PCDHGA6: variants seen among roughly 807,000 people sequenced by gnomAD.
PCDHGA6 encodes protocadherin gamma-A6.
A neutral mutation model predicts 60.6 loss-of-function variants in PCDHGA6; 41 were observed. The observed-to-expected ratio is 0.68, with a 90% CI of 0.53 to 0.88. PCDHGA6 has a LOEUF of 0.88. Ranked by LOEUF, PCDHGA6 falls within the 40% of genes least tolerant of loss-of-function variation. The pLI, the probability that PCDHGA6 is intolerant of heterozygous loss-of-function variation, is 0.00. For missense variants in PCDHGA6, 1,312 were observed against 1,203.0 expected (o/e 1.09, Z -1.34); for synonymous variants, 594 against 524.4 (o/e 1.13, Z -1.81).
At chr5:141,464,408 T>C (rs2154568477) in intron 1 of PCDHGA6, among the ~76,000 whole-genome samples, 1 of 151,718 alleles carries the variant, frequency 6.6e-6, no homozygotes, top group African/African-American at 2.4e-5. Flanking sequence ...CTGAGATATA[T>C]ATATATCTAT....
intron 1 of PCDHGA6, chr5:141,418,464 G>A: frequency 3.7e-6 from 6 of 1,614,010 alleles, no homozygotes; most frequent in Non-Finnish European, 5.1e-6. Flanking sequence ...ACTCTGGACC[G>A]AGAAACGCAG....
intron 1 of PCDHGA6, chr5:141,427,734 C>A (rs2097062807): frequency 1.7e-6 from 2 of 1,207,418 alleles, no homozygotes; most frequent in Non-Finnish European, 2.4e-6. Flanking sequence ...GCTGAATGGC[C>A]AAGTCTCCTA....
chr5:141,422,685 C>G lies in PCDHGA6; in HGVS notation c.2424+46178C>G, dbSNP rs754112462. The G allele has an allele frequency of 2.5e-6, 4 of 1,605,144 alleles. No individual in the cohort carries two copies. The South Asian group carries it at 4.5e-5, about 18-fold the overall frequency. On this transcript the variant is annotated intron_variant, in intron 1 of 3. Coordinates refer to ENST00000517434, the MANE Select transcript of PCDHGA6 (RefSeq NM_018919.3). ...TCGACCCGGACAGCAAACAGAATGCCCTGGTCACTTACTCTCTGACGGATG... is the reference window on the plus strand; with the variant it reads ...TCGACCCGGACAGCAAACAGAATGCGCTGGTCACTTACTCTCTGACGGATG...
In PCDHGA6 at chr5:141,399,312, A is replaced by C. The variant is rs142753281; in HGVS notation, c.2424+22805A>C. 774 of 1,613,972 alleles carry C rather than the reference A, an allele frequency of 4.8e-4. 4 individuals carry two copies. The African/African-American group carries it at 8.9e-3, about 19-fold the overall frequency. ...CTTTTAAGATTATCTCTTCATCCAAAAATTCGTATAAGTTGGTAACAGATG... is the reference window on the plus strand; with the variant it reads ...CTTTTAAGATTATCTCTTCATCCAACAATTCGTATAAGTTGGTAACAGATG... On this transcript the variant is annotated intron_variant, in intron 1 of 3. Transcript: ENST00000517434.
intron 1 of PCDHGA6, chr5:141,389,928 C>A: frequency 6.2e-7 from 1 of 1,614,068 alleles, no homozygotes. Flanking sequence ...CCCCTCTGAC[C>A]TCCAGGCTGA....
In PCDHGA6 at chr5:141,375,571, C is replaced by A. The variant is rs760580799; in HGVS notation, c.1488C>A (p.Leu496=). The A allele has an allele frequency of 2.5e-6, 4 of 1,613,962 alleles. No homozygotes were observed. The highest frequency in any genetic ancestry group is 3.4e-6 in the Non-Finnish European group (4 of 1,179,984). The part of the protein sequence containing the change: ...QVSYSLAEDT[L]QGAPLSSYVS... ...CCTACTCACTGGCAGAAGACACCCTCCAGGGGGCGCCCCTGTCCTCCTACG... is the reference window on the plus strand; with the variant it reads ...CCTACTCACTGGCAGAAGACACCCTACAGGGGGCGCCCCTGTCCTCCTACG... Residue 496 remains leucine (L), a synonymous_variant, in exon 1 of 4, where the codon CTC becomes CTA. Transcript: ENST00000517434.
chr5:141,455,860 ATTAT>A (rs145569377), intron 1 of PCDHGA6, among the ~76,000 whole-genome samples: 54,169 of 139,612 alleles, frequency 0.39, 10,686 homozygotes, highest in Admixed American at 0.44. Context: ...AATTTCTTTT[ATTAT>A]TTATTTATTT....
chr5:141,393,473 G>A (rs1190605709), intron 1 of PCDHGA6: 1 of 1,614,044 alleles, frequency 6.2e-7, no homozygotes, highest in East Asian at 2.2e-5. Flanking sequence ...GCGGCAAGCC[G>A]CCTCGCTCTA....
chr5:141,475,984 G>A, intron 1 of PCDHGA6: 2 of 1,069,308 alleles, frequency 1.9e-6, no homozygotes, highest in Non-Finnish European at 2.7e-6. Flanking sequence ...AACAGCCGGC[G>A]AGCAAATCAA....
At chr5:141,393,307 A>C (rs1394490963) in intron 1 of PCDHGA6, 3 of 1,613,594 alleles carry the variant, frequency 1.9e-6, no homozygotes, top group South Asian at 2.2e-5. Context: ...GTGGGCGTGA[A>C]CTCCCTCCAG....
At position 141,512,133 on chromosome 5, in the gene PCDHGA6, G is replaced by C. The variant is rs1394116556; in HGVS notation, c.*960G>C. 1 of 152,708 alleles carries C rather than the reference G, an allele frequency of 6.5e-6. No homozygotes were observed. Among genetic ancestry groups the C allele is most frequent in the Non-Finnish European group, 1.5e-5 (1 of 68,102 alleles). The allele number at this position is 152,708 out of a possible 1,614,324, so 9.5% of individuals were successfully genotyped here. On this transcript the variant is annotated 3_prime_UTR_variant, in exon 4 of 4. Transcript: ENST00000517434. ...CCACTACATAATAGGGCTCAGCCCA[G>C]GCAGCCAGCTTTGGGCTGAGCTAAC...
chr5:141,389,657 G>A lies in PCDHGA6; in HGVS notation c.2424+13150G>A, dbSNP rs372714152. The stretch of plus-strand genomic sequence containing the variant: ...GCTACTTGGTGACCAAGGTAGTGGC[G>A]GTGGACGCAGACTCAGGACACAACG... On this transcript the variant is annotated intron_variant, in intron 1 of 3. Transcript: ENST00000517434. The A allele has an allele frequency of 6.2e-5, 100 of 1,612,554 alleles. 2 individuals are homozygous for A. In the African/African-American group the frequency reaches 1.0e-3, roughly 17 times the overall value.
chr5:141,415,514 C>G, intron 1 of PCDHGA6: 2 of 1,614,178 alleles, frequency 1.2e-6, no homozygotes, highest in Non-Finnish European at 8.5e-7. Flanking sequence ...CCCAATTATG[C>G]GGACACGCTC....
intron 1 of PCDHGA6, among the ~76,000 whole-genome samples, chr5:141,464,022 TG>T (rs948245337): frequency 1.3e-5 from 2 of 151,716 alleles, no homozygotes; most frequent in African/African-American, 4.8e-5. Context: ...TCCCACACTT[TG>T]GGAGGCCAAG....
chr5:141,507,113 C>G (rs1401559943), intron 3 of PCDHGA6: 1 of 152,220 alleles, frequency 6.6e-6, no homozygotes, highest in Non-Finnish European at 1.5e-5. Context: ...GGGACCATGG[C>G]TGCCTTTGGA....
At chr5:141,424,357 G>A (rs1171882619) in intron 1 of PCDHGA6, 1 of 152,122 alleles carries the variant, frequency 6.6e-6, no homozygotes, top group Non-Finnish European at 1.5e-5. Context: ...ATAAAATTTA[G>A]ATCACATTTT....
At chr5:141,400,250 C>T (rs2093990136) in intron 1 of PCDHGA6, 1 of 1,614,066 alleles carries the variant, frequency 6.2e-7, no homozygotes, top group Non-Finnish European at 8.5e-7. Flanking sequence ...CTGGCCGTTG[C>T]CTTGCGCCTG....
chr5:141,451,860 C>T, intron 1 of PCDHGA6, among the ~76,000 whole-genome samples: 1 of 151,832 alleles, frequency 6.6e-6, no homozygotes, highest in Non-Finnish European at 1.5e-5. Flanking sequence ...CAGCCTAGGC[C>T]ACAGAATGAA....
chr5:141,460,909 G>GGTGT (rs548378036), intron 1 of PCDHGA6, among the ~76,000 whole-genome samples: 1 of 123,246 alleles, frequency 8.1e-6, no homozygotes, highest in African/African-American at 3.7e-5. Flanking sequence ...AATATTCCAT[G>GGTGT]GTGTATATAT....
Sources: gnomAD v4.1 joint callset for allele counts (sites outside exome capture counted in the v4.1 genomes callset) on GRCh38, gnomAD v4.1.1 for gene constraint, MANE v1.5 for transcripts, NCBI Gene and HGNC (gene_info 2026-07-23, HGNC 2026-07-21) for gene names.